ADGRB3: variants seen among roughly 807,000 people sequenced by gnomAD.
The protein encoded by ADGRB3 is brain-specific angiogenesis inhibitor 3.
In ADGRB3, 37 loss-of-function variants were observed where a neutral mutation model predicts 193.4. The ratio of observed to expected loss-of-function variants is 0.19; its 90% confidence interval spans 0.15 to 0.25. The LOEUF (loss-of-function observed/expected upper bound fraction) is 0.25, where lower values mean the gene tolerates loss of function less well. Ranked by LOEUF, ADGRB3 falls within the 10% of genes least tolerant of loss-of-function variation. ADGRB3 has a pLI of 1.00. For synonymous variants in ADGRB3, 690 were observed against 644.2 expected (o/e 1.07, Z -1.08); for missense variants, 1,637 against 1,852.9 (o/e 0.88, Z 2.14).
intron 17 of ADGRB3, among the ~76,000 whole-genome samples, chr6:69,090,877 A>T (rs183208786): frequency 6.6e-6 from 1 of 152,312 alleles, no homozygotes; most frequent in East Asian, 1.9e-4. Flanking sequence ...CAGTGCTATA[A>T]ACATATTGCC....
At chr6:69,085,689 G>A (rs1772527585) in intron 17 of ADGRB3, among the ~76,000 whole-genome samples, 1 of 151,362 alleles carries the variant, frequency 6.6e-6, no homozygotes, top group African/African-American at 2.4e-5. Flanking sequence ...TTGTACTATA[G>A]TTAATAACCA....
At chr6:68,834,282 A>AT (rs1051269067) in intron 3 of ADGRB3, among the ~76,000 whole-genome samples, 1 of 152,112 alleles carries the variant, frequency 6.6e-6, no homozygotes, top group Admixed American at 6.6e-5. Flanking sequence ...AAAGCTCAAA[A>AT]TTTACATCAG....
intron 6 of ADGRB3, among the ~76,000 whole-genome samples, chr6:68,952,917 A>T (rs764329431): frequency 6.6e-6 from 1 of 152,186 alleles, no homozygotes; most frequent in Non-Finnish European, 1.5e-5. Context: ...GAATATGTAC[A>T]TGGTTAGAAA....
Position 69,355,875 on chromosome 6 carries a change from A to C in ADGRB3, c.3595+15A>C. 1 of 1,590,374 alleles carries C rather than the reference A, an allele frequency of 6.3e-7. No individual in the cohort carries two copies. Among genetic ancestry groups the C allele is most frequent in the Non-Finnish European group, 8.6e-7 (1 of 1,160,178 alleles). ...CTGTCGATCAGGTAAGAATATTTAG[A>C]TTTTGAAATCTAATCAGTAGGGATG... On this transcript the variant is annotated intron_variant, in intron 28 of 31. Transcript: ENST00000370598.
chr6:68,707,039 C>T (rs547472143), intron 3 of ADGRB3, among the ~76,000 whole-genome samples: 72 of 144,536 alleles, frequency 5.0e-4, no homozygotes, highest in Non-Finnish European at 9.5e-4. Context: ...TGAACCCAGG[C>T]GGCGGAGTTT....
intron 3 of ADGRB3, among the ~76,000 whole-genome samples, chr6:68,917,100 A>G (rs1485143099): frequency 6.6e-6 from 1 of 152,176 alleles, no homozygotes; most frequent in Non-Finnish European, 1.5e-5. Flanking sequence ...TAGAGGCATC[A>G]GCTCTACCAC....
chr6:69,361,020 C>T lies in ADGRB3; in HGVS notation c.3747C>T (p.Ile1249=). The change falls in exon 29 of 32, where the codon ATC becomes ATT. Residue 1249 remains isoleucine, a synonymous_variant. Coordinates refer to ENST00000370598, the MANE Select transcript of ADGRB3 (RefSeq NM_001704.3). ...TLPGNVISKV[I]IQQPTGLHMP... is the part of the protein sequence containing the mutation. ...CTGGAAATGTCATTTCCAAAGTCAT[C>T]ATCCAGCAACCCACAGGTTTGCACA... 6.2e-7 allele frequency: 1 copy of T among 1,612,782 alleles called. No individual in the cohort carries two copies.
At chr6:69,061,781 A>AGTCTATGTACTGTATG (rs1582431594) in intron 15 of ADGRB3, among the ~76,000 whole-genome samples, 1 of 152,144 alleles carries the variant, frequency 6.6e-6, no homozygotes, top group Admixed American at 6.6e-5. Flanking sequence ...TAAAATTAAA[A>AGTCTATGTACTGTATG]CAGCAGCATG....
intron 17 of ADGRB3, among the ~76,000 whole-genome samples, chr6:69,143,849 A>G (rs314219): frequency 0.015 from 2,301 of 152,222 alleles, 29 homozygotes; most frequent in Non-Finnish European, 0.026. Context: ...TGCTCAGGAC[A>G]GCTTTGACTA....
intron 17 of ADGRB3, among the ~76,000 whole-genome samples, chr6:69,123,634 C>G (rs902650353): frequency 2.0e-5 from 3 of 152,022 alleles, no homozygotes; most frequent in African/African-American, 7.2e-5. Flanking sequence ...AAGAATAAGG[C>G]AATTTTATAT....
intron 20 of ADGRB3, among the ~76,000 whole-genome samples, chr6:69,298,994 C>A (rs1482999458): frequency 6.6e-6 from 1 of 151,892 alleles, no homozygotes; most frequent in Admixed American, 6.6e-5. Context: ...TTTACACTCC[C>A]AATAACACTT....
intron 3 of ADGRB3, among the ~76,000 whole-genome samples, chr6:68,681,383 G>GA (rs779116914): frequency 6.6e-6 from 1 of 152,106 alleles, no homozygotes; most frequent in Non-Finnish European, 1.5e-5. Flanking sequence ...GGGCTCAAGT[G>GA]ATTCTCCCAC....
intron 6 of ADGRB3, among the ~76,000 whole-genome samples, chr6:68,948,362 T>C (rs538104693): frequency 1.4e-3 from 208 of 152,256 alleles, no homozygotes; most frequent in African/African-American, 4.9e-3. Flanking sequence ...CTACGGTGAT[T>C]TGATCACTTT....
chr6:69,386,249 C>T (rs1322829807), intron 31 of ADGRB3, among the ~76,000 whole-genome samples: 2 of 152,076 alleles, frequency 1.3e-5, no homozygotes, highest in Non-Finnish European at 2.9e-5. Context: ...ATATCCATAA[C>T]AGTTGATCTT....
intron 20 of ADGRB3, among the ~76,000 whole-genome samples, chr6:69,321,073 T>C (rs1660905871): frequency 1.3e-5 from 2 of 151,760 alleles, no homozygotes. Context: ...TGGGCTATGG[T>C]ACATATTGTC....
intron 15 of ADGRB3, among the ~76,000 whole-genome samples, chr6:69,053,747 A>G (rs1166336829): frequency 6.6e-6 from 1 of 152,214 alleles, no homozygotes; most frequent in Admixed American, 6.5e-5. Flanking sequence ...GAGAATTTTA[A>G]CTTACTTTTA....
At chr6:69,033,513 A>C (rs1408818652) in intron 13 of ADGRB3, among the ~76,000 whole-genome samples, 1 of 152,172 alleles carries the variant, frequency 6.6e-6, no homozygotes, top group Admixed American at 6.5e-5. Context: ...ATAGTCAAAA[A>C]TATTTTCATT....
chr6:68,801,513 C>G (rs1211404483), intron 3 of ADGRB3, among the ~76,000 whole-genome samples: 1 of 151,872 alleles, frequency 6.6e-6, no homozygotes, highest in Admixed American at 6.6e-5. Flanking sequence ...CATAGCGAAA[C>G]CCCATCTCTA....
chr6:69,109,158 C>G (rs1009595181), intron 17 of ADGRB3, among the ~76,000 whole-genome samples: 6 of 149,960 alleles, frequency 4.0e-5, no homozygotes, highest in African/African-American at 1.5e-4. Flanking sequence ...TGTTATTTCT[C>G]TTAGTATAAG....
Sources: allele counts gnomAD v4.1 joint callset (sites outside exome capture counted in the v4.1 genomes callset), GRCh38; gene constraint gnomAD v4.1.1; transcripts MANE v1.5; gene names NCBI Gene and HGNC (gene_info 2026-07-23, HGNC 2026-07-21).